The following PUDP variants were observed in gnomAD, a reference collection of about 807,000 sequenced individuals.
PUDP encodes pseudouridine 5'-phosphatase.
A neutral mutation model predicts 9.4 loss-of-function variants in PUDP; 8 were observed. The observed-to-expected ratio is 0.85, with a 90% confidence interval of 0.50 to 1.53. PUDP has a LOEUF of 1.53. PUDP is among the 40% of genes most tolerant of loss of function. The pLI, the probability that PUDP is intolerant of heterozygous loss-of-function variation, is 0.00. For synonymous variants in PUDP, 99 were observed against 80.7 expected (o/e 1.23, Z -1.22); for missense variants, 188 against 189.7 (o/e 0.99, Z 0.05).
rs146148676 is a variant in PUDP, at chrX:6,892,306, T to C, written c.*247+84827A>G. Among the ~76,000 whole-genome samples the C allele has an allele frequency of 2.1e-3, 231 of 111,608 alleles. 1 individual carries two copies. The highest frequency in any genetic ancestry group is 7.0e-3 in the African/African-American group (215 of 30,748). ...TCCACAAAATTCTTAAGTTGGAACC[T>C]GTATTAGTCTGTTCTCATGCTGCTG... On this transcript the variant is annotated intron_variant and NMD_transcript_variant, in intron 3 of 3. Coordinates refer to the PUDP transcript ENST00000655425.
intron 1 of PUDP, among the ~76,000 whole-genome samples, chrX:7,017,552 T>C (rs1342314050): frequency 2.7e-5 from 3 of 112,475 alleles, no homozygotes; most frequent in Non-Finnish European, 5.6e-5. Context: ...GAAGTGAGAA[T>C]AGATTTCATT....
chrX:7,143,727 T>C (rs1932820072), intron 1 of PUDP, among the ~76,000 whole-genome samples: 1 of 112,100 alleles, frequency 8.9e-6, no homozygotes, highest in Non-Finnish European at 1.9e-5. Context: ...GGAACACACG[T>C]GTCTTGTGCT....
At chrX:6,723,741 T>A (rs774362865), upstream of PUDP, among the ~76,000 whole-genome samples, 6 of 111,151 alleles carry the variant, frequency 5.4e-5, no homozygotes, top group Admixed American at 5.8e-4. Context: ...TTTGGAAAGA[T>A]AGATTCTCCA....
chrX:6,794,869 A>G (rs1450254921), intron 3 of PUDP, among the ~76,000 whole-genome samples: 15 of 107,775 alleles, frequency 1.4e-4, no homozygotes, highest in African/African-American at 4.4e-4. Flanking sequence ...TCTTTCTTTA[A>G]TAATAAAATA....
chrX:7,113,588 C>T (rs1932111264), intron 1 of PUDP, among the ~76,000 whole-genome samples: 1 of 112,538 alleles, frequency 8.9e-6, no homozygotes, highest in Non-Finnish European at 1.9e-5. Flanking sequence ...AGTGAAGTTG[C>T]TTTAATTAAA....
intron 1 of PUDP, among the ~76,000 whole-genome samples, chrX:7,136,098 T>C (rs1168845725): frequency 8.9e-6 from 1 of 111,817 alleles, no homozygotes; most frequent in Non-Finnish European, 1.9e-5. Flanking sequence ...TTTTTCCCCA[T>C]GATAGTCAAC....
chrX:7,085,048 C>T, intron 2 of PUDP: 1 of 111,949 alleles, frequency 8.9e-6, no homozygotes, highest in Non-Finnish European at 1.9e-5. Context: ...GTCCAGCAGA[C>T]GTCGCTGTTG....
chrX:7,133,990 A>G (rs1932682516), intron 1 of PUDP, among the ~76,000 whole-genome samples: 1 of 112,147 alleles, frequency 8.9e-6, no homozygotes. Flanking sequence ...GCCGTAGGTC[A>G]GATATGAACT....
chrX:7,104,036 C>A (rs1931811727), intron 2 of PUDP, among the ~76,000 whole-genome samples: 1 of 112,096 alleles, frequency 8.9e-6, no homozygotes, highest in African/African-American at 3.2e-5. Context: ...TCCAGCAATT[C>A]CACTTCTGGG....
At chrX:6,706,501 A>G (rs1449468029) in intron 1 of PUDP, 1 of 111,707 alleles carries the variant, frequency 9.0e-6, no homozygotes, top group African/African-American at 3.3e-5. Flanking sequence ...AAAATGATAA[A>G]TTTTATGTTA....
intron 3 of PUDP, among the ~76,000 whole-genome samples, chrX:6,730,844 C>T (rs746836700): frequency 8.9e-5 from 10 of 111,739 alleles, no homozygotes; most frequent in Non-Finnish European, 7.5e-5. Context: ...AAAAGAAACT[C>T]ACAAAGCACA....
rs1555916574 is a variant in PUDP, at chrX:6,916,246, A to ACACC, written c.*247+60883_*247+60886dup. ...CACACACACACACACACACACACAC[A>ACACC]CACCCTGGGGAACTGGTAAATTTGG... is the stretch of plus-strand genomic sequence containing the variant. On this transcript the variant is annotated intron_variant and NMD_transcript_variant, in intron 3 of 3. Transcript: ENST00000655425. Among the ~76,000 whole-genome samples the ACACC allele has an allele frequency of 1.4e-3, 100 of 71,577 alleles. 3 individuals are homozygous for ACACC. The highest frequency in any genetic ancestry group is 6.1e-3 in the African/African-American group (91 of 15,012). The allele number at this position is 71,577 out of a possible 115,157, so 62.2% of individuals were successfully genotyped here.
rs987574866 is a variant in PUDP, at chrX:6,760,550, T to C, written c.*248-54084A>G. Among the ~76,000 whole-genome samples the C allele has an allele frequency of 2.7e-5, 3 of 112,145 alleles. No homozygotes were observed. In the South Asian group the frequency reaches 1.1e-3, roughly 42 times the overall value. On this transcript the variant is annotated intron_variant and NMD_transcript_variant, in intron 3 of 3. Coordinates refer to the PUDP transcript ENST00000655425. ...TGGTAGTTTTACATTCAAGCAATCA[T>C]GCATTCCTGTTTATTACTTTTTATC...
chrX:7,075,505 AAAACAAACAAAC>A (rs60328433), intron 3 of PUDP, among the ~76,000 whole-genome samples: 1 of 107,799 alleles, frequency 9.3e-6, no homozygotes, highest in African/African-American at 3.4e-5. Flanking sequence ...ACTCCATCTC[AAAACAAACAAAC>A]AAACAAACAA....
chrX:7,110,126 G>A (rs1322745287), intron 1 of PUDP, among the ~76,000 whole-genome samples: 1 of 111,821 alleles, frequency 8.9e-6, no homozygotes, highest in Non-Finnish European at 1.9e-5. Flanking sequence ...AAGACTGGCG[G>A]GTGTTTTCAT....
chrX:6,933,177 T>C (rs1482807504), intron 3 of PUDP, among the ~76,000 whole-genome samples: 2 of 103,630 alleles, frequency 1.9e-5, no homozygotes, highest in Admixed American at 1.1e-4. Context: ...CTCAAGTGGG[T>C]CCCTGACCCC....
downstream of PUDP, among the ~76,000 whole-genome samples, chrX:7,048,137 T>A (rs897425842): frequency 7.1e-5 from 8 of 112,242 alleles, no homozygotes; most frequent in African/African-American, 3.2e-5. Context: ...GTGTTGTGTA[T>A]GTTTCATTTA....
At chrX:6,932,290 T>C (rs1928203529) in intron 3 of PUDP, among the ~76,000 whole-genome samples, 2 of 111,642 alleles carry the variant, frequency 1.8e-5, no homozygotes, top group Non-Finnish European at 3.8e-5. Flanking sequence ...GGATGATGGA[T>C]TGTTCTTGCC....
intron 3 of PUDP, among the ~76,000 whole-genome samples, chrX:6,815,173 G>GAAAAAAA (rs1198524845): frequency 3.4e-5 from 2 of 59,173 alleles, no homozygotes; most frequent in Non-Finnish European, 6.5e-5. Flanking sequence ...TATTGAAAAT[G>GAAAAAAA]AAAAAAAAAA....
Sources: gnomAD v4.1 joint callset for allele counts (sites outside exome capture counted in the v4.1 genomes callset) on GRCh38, gnomAD v4.1.1 for gene constraint, MANE v1.5 for transcripts, NCBI Gene and HGNC (gene_info 2026-07-23, HGNC 2026-07-21) for gene names.